Variants in INSR observed in about 807,000 individuals in gnomAD.
INSR encodes insulin receptor.
A neutral mutation model predicts 142.6 loss-of-function variants in INSR; 67 were observed. That is an observed-to-expected ratio of 0.47 (90% CI 0.39 to 0.58). The LOEUF is 0.58. Ranked by LOEUF, INSR falls within the 20% of genes least tolerant of loss-of-function variation. The pLI is 0.00. For missense variants in INSR, 1,248 were observed against 1,833.2 expected (o/e 0.68, Z 5.83); for synonymous variants, 756 against 743.1 (o/e 1.02, Z -0.28).
intron 2 of INSR, among the ~76,000 whole-genome samples, chr19:7,212,579 T>G (rs1329109267): frequency 6.6e-6 from 1 of 152,118 alleles, no homozygotes; most frequent in Non-Finnish European, 1.5e-5. Flanking sequence ...AAATTTTTCT[T>G]TAAATTTATT....
intron 15 of INSR, among the ~76,000 whole-genome samples, chr19:7,127,630 T>C (rs1035951891): frequency 2.0e-5 from 3 of 152,226 alleles, no homozygotes; most frequent in Admixed American, 6.6e-5. Context: ...AGCTTGAATT[T>C]AGACATCCTG....
intron 21 of INSR, among the ~76,000 whole-genome samples, chr19:7,118,342 G>T (rs1972389773): frequency 6.6e-6 from 1 of 151,916 alleles, no homozygotes; most frequent in Admixed American, 6.6e-5. Flanking sequence ...TTTTGAGACA[G>T]AATCTCACTC....
chr19:7,158,316 T>A lies in INSR; in HGVS notation c.2029+4716A>T, dbSNP rs140789809. On this transcript the variant is annotated intron_variant, in intron 9 of 21. Coordinates refer to ENST00000302850, the MANE Select transcript of INSR (RefSeq NM_000208.4). ...GAGATCGAGACCATCCTGGCTAACA[T>A]GGTGAAACCCCGTCTCTACTAAAAA... Among the ~76,000 whole-genome samples, 960 of 151,754 alleles carry A rather than the reference T, an allele frequency of 6.3e-3. 14 individuals are homozygous for A. The highest frequency in any genetic ancestry group is 0.053 in the East Asian group (275 of 5,142).
At chr19:7,131,879 G>T (rs1049176302) in intron 14 of INSR, among the ~76,000 whole-genome samples, 4 of 151,258 alleles carry the variant, frequency 2.6e-5, no homozygotes, top group African/African-American at 9.7e-5. Flanking sequence ...GGCACCTGTA[G>T]TCCCAGCTAC....
chr19:7,202,748 G>A (rs8113542), intron 2 of INSR, among the ~76,000 whole-genome samples: 118,218 of 152,050 alleles, frequency 0.78, 46,265 homozygotes, highest in African/African-American at 0.86. Context: ...TGATCCGCTC[G>A]CCTCGGCCTC....
chr19:7,262,003 T>C (rs2145198281), intron 2 of INSR, among the ~76,000 whole-genome samples: 1 of 152,254 alleles, frequency 6.6e-6, no homozygotes. Flanking sequence ...AGCTGCCAAG[T>C]GTGGAAGACA....
Position 7,119,358 on chromosome 19 carries a change from A to T in INSR, c.3794+91T>A. 7.0e-7 allele frequency: 1 copy of T among 1,425,012 alleles called. No homozygotes were observed. Among genetic ancestry groups the T allele is most frequent in the African/African-American group, 1.4e-5 (1 of 71,196 alleles). 88.3% of individuals were successfully genotyped at this position (1,425,012 alleles called of 1,614,324 possible). ...CAGCATGCAAACACGGTGAGCGTGTAGACATAGGAAAGGCAAAACCAAGCA... is the reference window on the plus strand; with the variant it reads ...CAGCATGCAAACACGGTGAGCGTGTTGACATAGGAAAGGCAAAACCAAGCA... On this transcript the variant is annotated intron_variant, in intron 21 of 21. Transcript: ENST00000302850. The surrounding 1 kb of genome is among the most constrained non-coding windows in gnomAD (Gnocchi z 5.2).
At chr19:7,285,852 GT>G (rs1378890885) in intron 1 of INSR, among the ~76,000 whole-genome samples, 1 of 152,032 alleles carries the variant, frequency 6.6e-6, no homozygotes, top group Non-Finnish European at 1.5e-5. Context: ...AATTGAGGGA[GT>G]TTGGACAACA....
At chr19:7,184,247 G>T in intron 3 of INSR, 69 bp downstream of exon 3, 2 of 1,380,418 alleles carry the variant, frequency 1.4e-6, no homozygotes, top group Non-Finnish European at 2.0e-6. Flanking sequence ...TTAACAAGCG[G>T]CATCGTCACA....
chr19:7,189,840 T>C (rs543236020), intron 2 of INSR, among the ~76,000 whole-genome samples: 2 of 152,040 alleles, frequency 1.3e-5, no homozygotes, highest in South Asian at 4.2e-4. Flanking sequence ...ATTTTTGTAT[T>C]TTTAGTAGAG....
chr19:7,249,997 AAAAT>A (rs1324587427), intron 2 of INSR, among the ~76,000 whole-genome samples: 1 of 151,688 alleles, frequency 6.6e-6, no homozygotes, highest in Admixed American at 6.6e-5. Flanking sequence ...GTCTCAAAAA[AAAAT>A]AAAATAAAAT....
rs8105406 is a variant in INSR, at chr19:7,182,661, A to G, written c.974+1655T>C. Among the ~76,000 whole-genome samples, 1,170 of 152,266 alleles carry G rather than the reference A, an allele frequency of 7.7e-3. 15 individuals are homozygous for G. Among genetic ancestry groups the G allele is most frequent in the African/African-American group, 0.027 (1,109 of 41,554 alleles). On this transcript the variant is annotated intron_variant, in intron 3 of 21. Transcript: ENST00000302850. ...TCCCAGATACCAAGGATGTGCGGTCAATTTCTCAGGGTTTCTGTTTTAGCA... is the reference window on the plus strand; with the variant it reads ...TCCCAGATACCAAGGATGTGCGGTCGATTTCTCAGGGTTTCTGTTTTAGCA...
At chr19:7,235,870 A>G (rs1231767147) in intron 2 of INSR, among the ~76,000 whole-genome samples, 1 of 152,066 alleles carries the variant, frequency 6.6e-6, no homozygotes, top group Non-Finnish European at 1.5e-5. Context: ...TTGACAATAA[A>G]TATTAAGTGC....
In INSR at chr19:7,170,711, G is replaced by C; in HGVS notation, c.1309C>G (p.Gln437Glu). ...TTGTGTTTGCTCCAGTCCCAGAGCT[G>C]CCTTAGGTTCTGGTTGTCCAAGGCA... Reference protein sequence around the residue: ...FYALDNQNLRQLWDWSKHNLT... With the variant: ...FYALDNQNLRELWDWSKHNLT... The change falls in exon 6 of 22, where the codon CAG becomes GAG. Residue 437 changes from glutamine to glutamate, a missense_variant. Transcript: ENST00000302850. 6.2e-7 allele frequency: 1 copy of C among 1,614,008 alleles called. No individual in the cohort carries two copies. Among genetic ancestry groups the C allele is most frequent in the Non-Finnish European group, 8.5e-7 (1 of 1,179,954 alleles).
At chr19:7,282,587 CAGG>C (rs999127329) in intron 1 of INSR, among the ~76,000 whole-genome samples, 1 of 151,702 alleles carries the variant, frequency 6.6e-6, no homozygotes, top group African/African-American at 2.4e-5. Context: ...GAGGCTGAGG[CAGG>C]AGAATTGCTT....
chr19:7,182,168 C>T (rs76729345), intron 3 of INSR, among the ~76,000 whole-genome samples: 31,966 of 151,442 alleles, frequency 0.21, 3,438 homozygotes, highest in Admixed American at 0.23. Flanking sequence ...CCGGTCTCTA[C>T]TAAAAATACA....
chr19:7,173,615 T>C (rs1974068622), intron 4 of INSR, among the ~76,000 whole-genome samples: 1 of 129,742 alleles, frequency 7.7e-6, no homozygotes, highest in Non-Finnish European at 1.6e-5. Context: ...CGCCTGGCTT[T>C]TTTTTTTTTT....
intron 2 of INSR, among the ~76,000 whole-genome samples, chr19:7,226,365 G>A (rs967928430): frequency 1.5e-5 from 2 of 136,336 alleles, no homozygotes; most frequent in Admixed American, 7.7e-5. Flanking sequence ...AGCCAAGATC[G>A]CACCACTGCA....
chr19:7,230,174 C>T (rs904275018), intron 2 of INSR, among the ~76,000 whole-genome samples: 5 of 152,004 alleles, frequency 3.3e-5, no homozygotes, highest in Non-Finnish European at 7.4e-5. Flanking sequence ...ACAGAAGGCA[C>T]AGGTCAATGA....
Sources: allele counts gnomAD v4.1 joint callset (sites outside exome capture counted in the v4.1 genomes callset), GRCh38; gene constraint gnomAD v4.1.1; non-coding constraint Gnocchi (gnomAD v3.1); transcripts MANE v1.5; gene names NCBI Gene and HGNC (gene_info 2026-07-23, HGNC 2026-07-21).